Variants in TAX1BP1 observed in about 807,000 individuals in gnomAD.
TAX1BP1 encodes the protein Tax1 binding protein 1.
TAX1BP1 carries 62 observed loss-of-function variants against 97.7 expected under a neutral mutation model. The ratio of observed to expected loss-of-function variants is 0.63; its 90% CI spans 0.52 to 0.78. The LOEUF (loss-of-function observed/expected upper bound fraction) is 0.78. Among genes scored for constraint, TAX1BP1 ranks in the 30% least tolerant of loss-of-function variants. TAX1BP1 has a pLI of 0.00. For synonymous variants in TAX1BP1, 340 were observed against 304.2 expected (o/e 1.12, Z -1.23); for missense variants, 867 against 916.1 (o/e 0.95, Z 0.69).
intron 1 of TAX1BP1, among the ~76,000 whole-genome samples, chr7:27,744,213 C>A (rs550544577): frequency 1.4e-4 from 21 of 152,288 alleles, no homozygotes; most frequent in Non-Finnish European, 1.3e-4. Flanking sequence ...CAGGCTCCGC[C>A]CCCCAGGGTT....
At position 27,813,145 on chromosome 7, in the gene TAX1BP1, C is replaced by CTTT. The variant is rs57301512; in HGVS notation, c.1765-3184_1765-3182dup. On this transcript the variant is annotated intron_variant, in intron 13 of 16. Transcript: ENST00000396319. ...TCATAAGTCCTCCAACTTTGTTCTGCTTTTTTTTTTTTTTTTTTTTTTCTT... is the reference window on the plus strand; with the variant it reads ...TCATAAGTCCTCCAACTTTGTTCTGCTTTTTTTTTTTTTTTTTTTTTTTTTCTT... Among the ~76,000 whole-genome samples, 930 of 108,900 alleles carry CTTT rather than the reference C, an allele frequency of 8.5e-3. 18 individuals are homozygous for CTTT. The highest frequency in any genetic ancestry group is 0.014 in the East Asian group (51 of 3,670). The allele number at this position is 108,900 out of a possible 152,430, so 71.4% of individuals were successfully genotyped here.
At chr7:27,815,378 A>C (rs1312651008) in intron 13 of TAX1BP1, among the ~76,000 whole-genome samples, 1 of 152,188 alleles carries the variant, frequency 6.6e-6, no homozygotes, top group Non-Finnish European at 1.5e-5. Context: ...CTTCTGCATC[A>C]ATTGAAATGA....
rs142823628 is a variant in TAX1BP1, at chr7:27,806,600, G to A, written c.1764+6510G>A. ...GGTCTCTTTCTGTACTTTGAGTACT[G>A]TTCCATTGATCTGTCTACTCATATG... On this transcript the variant is annotated intron_variant, in intron 13 of 16. Coordinates refer to ENST00000396319, the MANE Select transcript of TAX1BP1 (RefSeq NM_006024.7). Among the ~76,000 whole-genome samples, 35 of 152,160 alleles carry A rather than the reference G, an allele frequency of 2.3e-4. No individual in the cohort carries two copies. In the East Asian group the frequency reaches 6.6e-3, roughly 29 times the overall value.
intron 13 of TAX1BP1, among the ~76,000 whole-genome samples, chr7:27,808,655 G>A (rs1274830606): frequency 6.6e-6 from 1 of 152,076 alleles, no homozygotes; most frequent in Non-Finnish European, 1.5e-5. Flanking sequence ...CAAATAATTT[G>A]TAAAACCGGG....
intron 13 of TAX1BP1, among the ~76,000 whole-genome samples, chr7:27,803,884 T>A (rs1790235132): frequency 6.6e-6 from 1 of 152,224 alleles, no homozygotes; most frequent in Non-Finnish European, 1.5e-5. Flanking sequence ...GTTGAGCTAG[T>A]CTCTTTTTTC....
At chr7:27,828,180 CAA>C (rs1356812303) in intron 16 of TAX1BP1, among the ~76,000 whole-genome samples, 1 of 152,038 alleles carries the variant, frequency 6.6e-6, no homozygotes, top group African/African-American at 2.4e-5. Flanking sequence ...TGGCCAAAAA[CAA>C]AAACATGTCC....
intron 4 of TAX1BP1, among the ~76,000 whole-genome samples, chr7:27,766,401 C>A (rs1583683628): frequency 1.8e-5 from 2 of 109,354 alleles, no homozygotes; most frequent in Non-Finnish European, 1.8e-5. Flanking sequence ...GCCTGGGCGA[C>A]AGAGCGAGAC....
chr7:27,811,284 T>C (rs1790548776), intron 13 of TAX1BP1, among the ~76,000 whole-genome samples: 1 of 152,240 alleles, frequency 6.6e-6, no homozygotes, highest in South Asian at 2.1e-4. Context: ...CCTGGCATAG[T>C]TGATATGTGG....
At chr7:27,771,195 C>T (rs1212891758) in intron 5 of TAX1BP1, among the ~76,000 whole-genome samples, 4 of 125,844 alleles carry the variant, frequency 3.2e-5, no homozygotes, top group African/African-American at 1.2e-4. Context: ...CCATTCTTCA[C>T]ATATTTTTCT....
At chr7:27,803,192 T>C in intron 13 of TAX1BP1, 1 of 1,523,344 alleles carries the variant, frequency 6.6e-7, no homozygotes, top group East Asian at 2.5e-5. Flanking sequence ...TATTGAGCAA[T>C]GTAGTTAAAC....
At chr7:27,779,000 T>C (rs1324636160) in intron 5 of TAX1BP1, among the ~76,000 whole-genome samples, 1 of 152,136 alleles carries the variant, frequency 6.6e-6, no homozygotes, top group Non-Finnish European at 1.5e-5. Context: ...ACTCCTTACA[T>C]ACCCCTGTCT....
At chr7:27,817,908 A>C (rs775442658) in intron 15 of TAX1BP1, among the ~76,000 whole-genome samples, 12 of 152,134 alleles carry the variant, frequency 7.9e-5, no homozygotes, top group Non-Finnish European at 1.6e-4. Flanking sequence ...ATCAGTGTTC[A>C]GACAGGCATG....
chr7:27,796,273 C>A, intron 12 of TAX1BP1, 54 bp downstream of exon 12: 1 of 1,344,764 alleles, frequency 7.4e-7, no homozygotes, highest in Non-Finnish European at 1.0e-6. Context: ...AATGACTTAG[C>A]TTACCTTTAT....
At chr7:27,810,503 T>A (rs1380995648) in intron 13 of TAX1BP1, among the ~76,000 whole-genome samples, 1 of 152,156 alleles carries the variant, frequency 6.6e-6, no homozygotes, top group Non-Finnish European at 1.5e-5. Flanking sequence ...TCCTACTAAT[T>A]TGCTTCTGGT....
At chr7:27,743,203 G>A (rs1409204902) in intron 1 of TAX1BP1, among the ~76,000 whole-genome samples, 1 of 152,208 alleles carries the variant, frequency 6.6e-6, no homozygotes, top group African/African-American at 2.4e-5. Flanking sequence ...TGGAAATAGG[G>A]ATGTCTGCAA....
intron 7 of TAX1BP1, among the ~76,000 whole-genome samples, chr7:27,785,931 T>G (rs1200054769): frequency 6.6e-6 from 1 of 152,124 alleles, no homozygotes; most frequent in Non-Finnish European, 1.5e-5. Context: ...TTGAAGAGGT[T>G]TAATGGAATT....
At chr7:27,762,864 G>C (rs1277359085) in intron 3 of TAX1BP1, among the ~76,000 whole-genome samples, 1 of 152,072 alleles carries the variant, frequency 6.6e-6, no homozygotes, top group African/African-American at 2.4e-5. Flanking sequence ...AGGTGGGGAG[G>C]ATCACTTGAG....
intron 13 of TAX1BP1, among the ~76,000 whole-genome samples, chr7:27,803,531 C>G (rs1790219460): frequency 6.6e-6 from 1 of 152,194 alleles, no homozygotes; most frequent in Non-Finnish European, 1.5e-5. Flanking sequence ...CATAATAATA[C>G]TACAACATTA....
chr7:27,770,531 C>T (rs780309640), intron 5 of TAX1BP1, among the ~76,000 whole-genome samples: 16 of 152,002 alleles, frequency 1.1e-4, no homozygotes, highest in Non-Finnish European at 2.1e-4. Flanking sequence ...ACAGTAGAGC[C>T]GGTTGGGCAT....
Sources: gnomAD v4.1 joint callset for allele counts (sites outside exome capture counted in the v4.1 genomes callset) on GRCh38, gnomAD v4.1.1 for gene constraint, MANE v1.5 for transcripts, NCBI Gene and HGNC (gene_info 2026-07-23, HGNC 2026-07-21) for gene names.